RPS10: variants seen among roughly 807,000 people sequenced by gnomAD.
The protein encoded by RPS10 is small ribosomal subunit protein eS10.
RPS10 carries 2 observed loss-of-function variants against 22.6 expected under a neutral mutation model. The ratio of observed to expected loss-of-function variants is 0.09; its 90% CI spans 0.04 to 0.28. RPS10 has a LOEUF of 0.28. RPS10 is among the 10% of genes least tolerant of loss of function. The pLI is 1.00. For missense variants in RPS10, 137 were observed against 222.2 expected (o/e 0.62, Z 2.44); for synonymous variants, 70 against 75.9 (o/e 0.92, Z 0.40).
At chr6:34,418,740 T>C (rs999179400) in intron 4 of RPS10, among the ~76,000 whole-genome samples, 1 of 152,042 alleles carries the variant, frequency 6.6e-6, no homozygotes, top group Non-Finnish European at 1.5e-5. Context: ...GGGAGTGTAA[T>C]TATGGAAGAA....
intron 1 of RPS10, 181 bp from the exon 2 acceptor site, chr6:34,425,402 A>C (rs1765921640): frequency 2.6e-5 from 18 of 700,392 alleles, no homozygotes; most frequent in East Asian, 8.7e-5. Flanking sequence ...CCCAAACACA[A>C]TTCAGGTGGA....
chr6:34,424,943 G>C (rs980183060), intron 2 of RPS10, 103 bp from the exon 3 acceptor site: 2 of 1,605,548 alleles, frequency 1.2e-6, no homozygotes, highest in Admixed American at 1.7e-5. Context: ...AGCAGCCCCC[G>C]CAGTCCTGAC....
chr6:34,424,686 C>G lies in RPS10; in HGVS notation c.305G>C (p.Gly102Ala). Residue 102 changes from glycine to alanine, a missense_variant, in exon 3 of 6, where the codon GGC becomes GCC. Transcript: ENST00000648437. Reference sequence around the variant, plus strand: ...AACCATACCTTTAGGCCGAGGCCTGCCAGTCTCTGGACGGCTACGGCGTAG... The same window carrying G: ...AACCATACCTTTAGGCCGAGGCCTGGCAGTCTCTGGACGGCTACGGCGTAG... ...ATLRRSRPETGRPRPKGLEGE... is the reference protein window; with the variant it reads ...ATLRRSRPETARPRPKGLEGE... 1 of 1,614,144 alleles carries G rather than the reference C, an allele frequency of 6.2e-7. No individual in the cohort carries two copies. Among genetic ancestry groups the G allele is most frequent in the Non-Finnish European group, 8.5e-7 (1 of 1,180,020 alleles).
chr6:34,419,339 T>G (rs1765685192), intron 4 of RPS10, among the ~76,000 whole-genome samples: 2 of 151,938 alleles, frequency 1.3e-5, no homozygotes, highest in African/African-American at 4.8e-5. Flanking sequence ...ATTTTTATAT[T>G]TTTTGTAGAG....
chr6:34,417,980 CTTATT>C lies in RPS10; in HGVS notation c.456+384_456+388del, dbSNP rs1365598733. 2.1e-5 allele frequency: 15 copies of C among 704,724 alleles called. No homozygotes were observed. In the African/African-American group the frequency reaches 2.3e-4, roughly 11 times the overall value. The allele number at this position is 704,724 out of a possible 1,614,324, so 43.7% of individuals were successfully genotyped here. ...CTACCTTAGTAGCTGTAATTATCAC[CTTATT>C]TTATAGATGGAGAAACTGAGGCAGA... On this transcript the variant is annotated intron_variant, in intron 5 of 5. Transcript: ENST00000648437.
At chr6:34,421,428 C>G (rs574551111) in intron 4 of RPS10, among the ~76,000 whole-genome samples, 21 of 149,814 alleles carry the variant, frequency 1.4e-4, no homozygotes, top group Admixed American at 2.7e-4. Flanking sequence ...AAGTAATCTG[C>G]CCACTTCGAC....
In RPS10 at chr6:34,420,054, T is replaced by C. The variant is rs540982560; in HGVS notation, c.401-1630A>G. ...CATACCACCATTCCCAACTCACTTT[T>C]ACAAATATTTGATTAAATAAAAGAC... is the stretch of plus-strand genomic sequence containing the variant. On this transcript the variant is annotated intron_variant, in intron 4 of 5. Coordinates refer to ENST00000648437, the MANE Select transcript of RPS10 (RefSeq NM_001014.5). 2.6e-5 allele frequency among the ~76,000 whole-genome samples: 4 copies of C among 152,338 alleles called. No homozygotes were observed. In the South Asian group the frequency reaches 6.2e-4, roughly 24 times the overall value.
chr6:34,418,272 C>G, intron 5 of RPS10, 97 bp downstream of exon 5: 1 of 1,599,756 alleles, frequency 6.3e-7, no homozygotes, highest in Non-Finnish European at 8.5e-7. Context: ...TTGACAGGAC[C>G]CACCCATACT....
chr6:34,419,866 C>G (rs1389221642), intron 4 of RPS10, among the ~76,000 whole-genome samples: 2 of 152,134 alleles, frequency 1.3e-5, no homozygotes, highest in Non-Finnish European at 2.9e-5. Flanking sequence ...GAGTGGGCCA[C>G]CGCGCCCGGC....
chr6:34,423,454 G>C (rs1486719435), intron 3 of RPS10, among the ~76,000 whole-genome samples: 2 of 152,128 alleles, frequency 1.3e-5, no homozygotes, highest in Non-Finnish European at 2.9e-5. Context: ...TTTTAGAGCA[G>C]AAATAAATTA....
chr6:34,422,561 C>T (rs746938546), intron 3 of RPS10, among the ~76,000 whole-genome samples: 6 of 152,110 alleles, frequency 3.9e-5, no homozygotes, highest in Admixed American at 2.6e-4. Context: ...GTGACCCTCC[C>T]GCCTTGGCCT....
At chr6:34,424,526 G>T in intron 3 of RPS10, 143 bp downstream of exon 3, 2 of 1,127,492 alleles carry the variant, frequency 1.8e-6, no homozygotes, top group Non-Finnish European at 2.6e-6. Flanking sequence ...CAAGTCCCAA[G>T]CCATGGGACA....
At chr6:34,418,886 CTTAT>C (rs1192095487) in intron 4 of RPS10, among the ~76,000 whole-genome samples, 1 of 152,156 alleles carries the variant, frequency 6.6e-6, no homozygotes, top group East Asian at 1.9e-4. Flanking sequence ...TTTTCTTTTA[CTTAT>C]TTGAGACAGG....
chr6:34,419,622 G>C (rs182227475), intron 4 of RPS10, among the ~76,000 whole-genome samples: 11 of 151,540 alleles, frequency 7.3e-5, no homozygotes, highest in Admixed American at 3.9e-4. Flanking sequence ...TTGTCCCTGA[G>C]GCTGGAGTGC....
At chr6:34,425,596 G>C (rs981370655) in intron 1 of RPS10, 18 of 316,168 alleles carry the variant, frequency 5.7e-5, no homozygotes, top group African/African-American at 3.7e-4. Flanking sequence ...AAGGTACGCA[G>C]GGAAGGCCCG....
At chr6:34,422,293 T>C (rs949406933) in intron 3 of RPS10, among the ~76,000 whole-genome samples, 3 of 152,192 alleles carry the variant, frequency 2.0e-5, no homozygotes, top group Non-Finnish European at 4.4e-5. Context: ...CTGTGGGATA[T>C]ATATTAAGGC....
At chr6:34,423,653 G>A (rs1008957235) in intron 3 of RPS10, among the ~76,000 whole-genome samples, 15 of 152,254 alleles carry the variant, frequency 9.9e-5, no homozygotes, top group African/African-American at 3.1e-4. Context: ...GGGAGGCTGA[G>A]GTGGTGGATC....
chr6:34,425,687 A>C, intron 1 of RPS10: 1 of 189,956 alleles, frequency 5.3e-6, no homozygotes, highest in Non-Finnish European at 1.1e-5. Flanking sequence ...TCTCCTACCT[A>C]CCACTTCTCC....
At chr6:34,419,256 C>G (rs1165903621) in intron 4 of RPS10, among the ~76,000 whole-genome samples, 5 of 152,034 alleles carry the variant, frequency 3.3e-5, no homozygotes, top group African/African-American at 1.2e-4. Flanking sequence ...AAACTCCCAA[C>G]CTCAAGTGAT....
Sources: gnomAD v4.1 joint callset for allele counts (sites outside exome capture counted in the v4.1 genomes callset) on GRCh38, gnomAD v4.1.1 for gene constraint, MANE v1.5 for transcripts, NCBI Gene and HGNC (gene_info 2026-07-23, HGNC 2026-07-21) for gene names.